ZNF831: variants seen among roughly 807,000 people sequenced by gnomAD.
ZNF831 encodes zinc finger protein 831.
In ZNF831, 59 loss-of-function variants were observed where a neutral mutation model predicts 95.8. The ratio of observed to expected loss-of-function variants is 0.62; its 90% CI spans 0.50 to 0.77. The LOEUF (loss-of-function observed/expected upper bound fraction) is 0.77. ZNF831 is among the 30% of genes least tolerant of loss of function. The pLI, the probability that ZNF831 is intolerant of heterozygous loss-of-function variation, is 0.00. For synonymous variants in ZNF831, 961 were observed against 925.5 expected, an observed-to-expected ratio of 1.04 and a Z score of -0.70; for missense variants, 2,205 against 2,164.0, an observed-to-expected ratio of 1.02 and a Z score of -0.38.
At chr20:59,213,760 GTGGAGTAACCGCAAA>G (rs1271014937) in intron 4 of ZNF831, among the ~76,000 whole-genome samples, 2 of 152,196 alleles carry the variant, frequency 1.3e-5, no homozygotes, top group African/African-American at 4.8e-5. Flanking sequence ...TGGGATGGCA[GTGGAGTAACCGCAAA>G]ATTCAACTCT....
At chr20:59,144,097 T>A (rs1979764134) in intron 1 of ZNF831, among the ~76,000 whole-genome samples, 1 of 152,200 alleles carries the variant, frequency 6.6e-6, no homozygotes, top group Non-Finnish European at 1.5e-5. Context: ...TTTTTTAAAA[T>A]CATGTAATTT....
In ZNF831 at chr20:59,194,737, G is replaced by A. The variant is rs2146604520; in HGVS notation, c.3718G>A (p.Gly1240Arg). Residue 1240 changes from glycine (G) to arginine (R), a missense_variant, in exon 2 of 6, where the codon GGG becomes AGG. By Grantham distance (125) the Gly-to-Arg change is moderately radical. Coordinates refer to ENST00000371030, the MANE Select transcript of ZNF831 (RefSeq NM_178457.3). The part of the protein sequence containing the change: ...GWTWTSPGEG[G>R]PAQMSKFSYP... ...GACCTGGACAAGCCCTGGAGAAGGA[G>A]GGCCGGCGCAGATGTCCAAGGTAAA... 1 of 1,571,280 alleles carries A rather than the reference G, an allele frequency of 6.4e-7. No individual in the cohort carries two copies. The highest frequency in any genetic ancestry group is 8.6e-7 in the Non-Finnish European group (1 of 1,160,624).
At chr20:59,167,163 T>C (rs1981339876) in intron 1 of ZNF831, among the ~76,000 whole-genome samples, 1 of 152,242 alleles carries the variant, frequency 6.6e-6, no homozygotes, top group African/African-American at 2.4e-5. Flanking sequence ...GGCTTTAATT[T>C]ATATTTCCCA....
chr20:59,132,282 T>C (rs955674877), intron 1 of ZNF831, among the ~76,000 whole-genome samples: 6 of 134,472 alleles, frequency 4.5e-5, no homozygotes, highest in African/African-American at 1.6e-4. Context: ...TTGTTGGAGG[T>C]TTAACTCTTT....
intron 1 of ZNF831, among the ~76,000 whole-genome samples, chr20:59,185,733 G>A (rs1982973595): frequency 6.6e-6 from 1 of 152,208 alleles, no homozygotes; most frequent in African/African-American, 2.4e-5. Flanking sequence ...GGGGAATGGA[G>A]CAGGAATTGC....
At chr20:59,163,208 G>A (rs1193373393), upstream of ZNF831, among the ~76,000 whole-genome samples, 2 of 152,090 alleles carry the variant, frequency 1.3e-5, no homozygotes, top group Non-Finnish European at 2.9e-5. Context: ...CAACTTTAGG[G>A]TTTTCTAGAT....
rs532658964 is a variant in ZNF831, at chr20:59,144,300, G to A, written c.-1424-1931G>A. 7.9e-5 allele frequency among the ~76,000 whole-genome samples: 12 copies of A among 152,190 alleles called. No individual in the cohort carries two copies. The East Asian group carries it at 9.7e-4, about 12-fold the overall frequency. On this transcript the variant is annotated intron_variant, in intron 1 of 7. Transcript: ENST00000637017. ...TGTGCACAGGATTCTCACAGGTGTC[G>A]TCTCAGTTGAGCCCCAAAGAAGGAG...
At chr20:59,180,390 A>G (rs539905848) in intron 1 of ZNF831, among the ~76,000 whole-genome samples, 27 of 152,304 alleles carry the variant, frequency 1.8e-4, no homozygotes, top group African/African-American at 6.0e-4. Context: ...TCTGGGATAC[A>G]TGTGCAGAAC....
chr20:59,174,320 G>C (rs1471968815), intron 1 of ZNF831, among the ~76,000 whole-genome samples: 1 of 152,158 alleles, frequency 6.6e-6, no homozygotes, highest in African/African-American at 2.4e-5. Flanking sequence ...GCAGCCTGCG[G>C]TTCAGGCTGG....
intron 1 of ZNF831, among the ~76,000 whole-genome samples, chr20:59,179,601 C>T (rs945527071): frequency 2.0e-5 from 3 of 152,118 alleles, no homozygotes. Flanking sequence ...CTGGTGGCTC[C>T]AGGCATTCCC....
In ZNF831 at chr20:59,192,132, C is replaced by G. The variant is rs1307974576; in HGVS notation, c.1113C>G (p.Ala371=). 1.9e-6 allele frequency: 3 copies of G among 1,569,722 alleles called. No individual in the cohort carries two copies. Among genetic ancestry groups the G allele is most frequent in the Non-Finnish European group, 2.6e-6 (3 of 1,164,006 alleles). Reference sequence around the variant, plus strand: ...TGCACAGCCTTTCGGAGCACAGCGCCGAGTCCGAGGGGGAGGGCGGCCCGG... The same window carrying G: ...TGCACAGCCTTTCGGAGCACAGCGCGGAGTCCGAGGGGGAGGGCGGCCCGG... ...SPLHSLSEHS[A]ESEGEGGPGP... is the part of the protein sequence containing the mutation. The change falls in exon 2 of 6, where the codon GCC becomes GCG. Residue 371 remains alanine (A), a synonymous_variant. Coordinates refer to ENST00000371030, the MANE Select transcript of ZNF831 (RefSeq NM_178457.3). This position sits in a 1 kb window ranked among gnomAD's most constrained non-coding sequence, Gnocchi z 5.2.
chr20:59,155,413 G>C (rs955115359), intron 2 of ZNF831, among the ~76,000 whole-genome samples: 1 of 152,234 alleles, frequency 6.6e-6, no homozygotes, highest in African/African-American at 2.4e-5. Flanking sequence ...ACCCTGATGT[G>C]AATGGGAGCA....
chr20:59,234,924 C>T (rs1252263796), intron 4 of ZNF831, among the ~76,000 whole-genome samples: 2 of 152,058 alleles, frequency 1.3e-5, no homozygotes, highest in East Asian at 3.9e-4. Context: ...AACTATTGAC[C>T]CATTATTGTT....
intron 2 of ZNF831, among the ~76,000 whole-genome samples, chr20:59,148,795 A>G (rs1349801239): frequency 2.1e-5 from 3 of 141,390 alleles, no homozygotes; most frequent in Admixed American, 7.7e-5. Flanking sequence ...CCATCCTGTC[A>G]CCCAGCCAGG....
intron 1 of ZNF831, among the ~76,000 whole-genome samples, chr20:59,138,794 C>T (rs1464347348): frequency 6.6e-6 from 1 of 152,200 alleles, no homozygotes; most frequent in Admixed American, 6.5e-5. Context: ...AAGTATAAAG[C>T]AGAAACAAAC....
intron 4 of ZNF831, among the ~76,000 whole-genome samples, chr20:59,209,345 G>A (rs1394339607): frequency 3.9e-5 from 6 of 152,198 alleles, no homozygotes; most frequent in Non-Finnish European, 5.9e-5. Flanking sequence ...AGCAGAGGAC[G>A]AGGTCATCTC....
chr20:59,132,727 T>C (rs1448825430), intron 1 of ZNF831, among the ~76,000 whole-genome samples: 2 of 152,250 alleles, frequency 1.3e-5, no homozygotes, highest in Non-Finnish European at 2.9e-5. Flanking sequence ...GTGAATTAAC[T>C]TGAATCCTCA....
chr20:59,218,302 T>C (rs568285998), intron 4 of ZNF831, among the ~76,000 whole-genome samples: 2 of 152,340 alleles, frequency 1.3e-5, no homozygotes, highest in Non-Finnish European at 2.9e-5. Flanking sequence ...AAGCTTTTAT[T>C]ATTCCCAAAC....
At chr20:59,171,653 C>T (rs1242192980) in intron 1 of ZNF831, among the ~76,000 whole-genome samples, 2 of 152,148 alleles carry the variant, frequency 1.3e-5, no homozygotes, top group Non-Finnish European at 2.9e-5. Flanking sequence ...CTTCCAATAA[C>T]TCATATATAA....
Sources: gnomAD v4.1 joint callset for allele counts (sites outside exome capture counted in the v4.1 genomes callset) on GRCh38, gnomAD v4.1.1 for gene constraint, Gnocchi (gnomAD v3.1) non-coding constraint, MANE v1.5 for transcripts, NCBI Gene and HGNC (gene_info 2026-07-23, HGNC 2026-07-21) for gene names.